SPATS2: variants seen among roughly 807,000 people sequenced by gnomAD.
SPATS2 encodes spermatogenesis associated serine rich 2.
A neutral mutation model predicts 63.7 loss-of-function variants in SPATS2; 38 were observed. The observed-to-expected ratio is 0.60, with a 90% CI of 0.46 to 0.78. SPATS2 has a LOEUF of 0.78. Among genes scored for constraint, SPATS2 ranks in the 30% least tolerant of loss-of-function variants. The pLI is 0.00. For synonymous variants in SPATS2, 207 were observed against 232.9 expected, an observed-to-expected ratio of 0.89 and a Z score of 1.01; for missense variants, 588 against 666.2, an observed-to-expected ratio of 0.88 and a Z score of 1.29.
intron 10 of SPATS2, 99 bp downstream of exon 10, chr12:49,514,712 A>T: frequency 9.9e-7 from 1 of 1,011,194 alleles, no homozygotes; most frequent in South Asian, 1.5e-5. Flanking sequence ...ATACCATAAT[A>T]AGAGTTTATA....
At chr12:49,511,835 T>G (rs1274771150) in intron 9 of SPATS2, among the ~76,000 whole-genome samples, 1 of 152,228 alleles carries the variant, frequency 6.6e-6, no homozygotes, top group Non-Finnish European at 1.5e-5. Flanking sequence ...ACTTTGAACT[T>G]GTCCCACCTT....
intron 2 of SPATS2, among the ~76,000 whole-genome samples, chr12:49,435,647 T>TC (rs1357842573): frequency 2.0e-5 from 2 of 99,284 alleles, no homozygotes; most frequent in Non-Finnish European, 3.9e-5. Flanking sequence ...TCTTTTTTTT[T>TC]TTTTTTTTTT....
chr12:49,511,254 A>G (rs1946749339), intron 9 of SPATS2, among the ~76,000 whole-genome samples: 1 of 152,172 alleles, frequency 6.6e-6, no homozygotes, highest in African/African-American at 2.4e-5. Context: ...ATGGTAAGGA[A>G]GTCCTGAAAA....
intron 3 of SPATS2, among the ~76,000 whole-genome samples, chr12:49,467,047 T>TG: frequency 1.1e-5 from 1 of 92,272 alleles, no homozygotes; most frequent in Admixed American, 9.3e-5. Context: ...GTTCTTTGTT[T>TG]TTTTTTTTTT....
At chr12:49,449,207 TTTTGTTTG>T (rs996996620) in intron 2 of SPATS2, among the ~76,000 whole-genome samples, 1 of 152,134 alleles carries the variant, frequency 6.6e-6, no homozygotes, top group Non-Finnish European at 1.5e-5. Flanking sequence ...TGTCTGTTTT[TTTTGTTTG>T]TTTGTTTGTT....
chr12:49,505,550 A>C (rs1176577316), intron 9 of SPATS2, among the ~76,000 whole-genome samples: 2 of 152,174 alleles, frequency 1.3e-5, no homozygotes, highest in Non-Finnish European at 2.9e-5. Flanking sequence ...TGCTCCAATG[A>C]GTATTTTCTT....
intron 10 of SPATS2, among the ~76,000 whole-genome samples, chr12:49,517,591 C>A (rs185238321): frequency 2.6e-5 from 4 of 152,208 alleles, no homozygotes; most frequent in Admixed American, 2.6e-4. Flanking sequence ...GGACATTTCC[C>A]AGATGACATT....
At chr12:49,456,042 C>T (rs1231452389) in intron 2 of SPATS2, among the ~76,000 whole-genome samples, 1 of 152,208 alleles carries the variant, frequency 6.6e-6, no homozygotes, top group African/African-American at 2.4e-5. Flanking sequence ...TTGTTTGCCA[C>T]CAAGAAAGCG....
rs1945731914 is a variant in SPATS2, at chr12:49,457,065, CTTCT to C, written c.-243-3704_-243-3701del. ...TAACTTTGCAATCTGATTTACTTTC[CTTCT>C]ATTTTTATCATTTATTTTATAGCTT... is the stretch of plus-strand genomic sequence containing the variant. On this transcript the variant is annotated intron_variant, in intron 2 of 13. Coordinates refer to ENST00000552918, the MANE Select transcript of SPATS2 (RefSeq NM_023071.4). Among the ~76,000 whole-genome samples the C allele has an allele frequency of 2.0e-5, 3 of 151,456 alleles. No homozygotes were observed. The South Asian group carries it at 6.2e-4, about 32-fold the overall frequency.
At chr12:49,461,258 A>G in intron 3 of SPATS2, 1 of 532,840 alleles carries the variant, frequency 1.9e-6, no homozygotes. Context: ...ATGCTTAACA[A>G]TCTTGAAGAT....
rs940241325 is a variant in SPATS2, at chr12:49,442,061, C to CT, written c.-243-18708dup. ...ATGTTCAAGAATTGAATGCACAACTCTGACTCCACATTGCCATTGAGTATT... is the reference window on the plus strand; with the variant it reads ...ATGTTCAAGAATTGAATGCACAACTCTTGACTCCACATTGCCATTGAGTATT... On this transcript the variant is annotated intron_variant, in intron 2 of 13. Transcript: ENST00000552918. Among the ~76,000 whole-genome samples, 13 of 152,180 alleles carry CT rather than the reference C, an allele frequency of 8.5e-5. No individual in the cohort carries two copies. In the East Asian group the frequency reaches 1.4e-3, roughly 16 times the overall value.
rs12312836 is a variant in SPATS2 at position 49,381,703 on chromosome 12, A to G, written c.-244+10413A>G. Reference sequence around the variant, plus strand: ...TTTGAAACCTGGGTCAGAGAAGCCTACTTTTTATATTTAATAGTATGTGAT... The same window carrying G: ...TTTGAAACCTGGGTCAGAGAAGCCTGCTTTTTATATTTAATAGTATGTGAT... On this transcript the variant is annotated intron_variant, in intron 2 of 13. Coordinates refer to ENST00000552918, the MANE Select transcript of SPATS2 (RefSeq NM_023071.4). Among the ~76,000 whole-genome samples the G allele has an allele frequency of 1.2e-3, 187 of 152,290 alleles. 1 individual carries two copies. Among genetic ancestry groups the G allele is most frequent in the African/African-American group, 4.0e-3 (168 of 41,540 alleles).
Position 49,489,571 on chromosome 12 carries a change from A to T in SPATS2, c.212A>T (p.Glu71Val). The change falls in exon 5 of 14, where the codon GAA becomes GTA. Residue 71 changes from glutamate to valine, a missense_variant and splice_region_variant. By Grantham distance (121) the Glu-to-Val change is moderately radical. Transcript: ENST00000552918. The stretch of plus-strand genomic sequence containing the variant: ...GACAAAACAGTACAAGCATTCATGG[A>T]AGGTAATCCTGACTTAATTTTAAAA... ...CVDKTVQAFM[E>V]GSASEVLKEW... The T allele has an allele frequency of 5.0e-6, 8 of 1,605,280 alleles. No homozygotes were observed. Among genetic ancestry groups the T allele is most frequent in the Non-Finnish European group, 6.8e-6 (8 of 1,176,434 alleles).
intron 9 of SPATS2, among the ~76,000 whole-genome samples, chr12:49,500,986 C>T (rs1441254839): frequency 1.3e-5 from 2 of 151,976 alleles, no homozygotes; most frequent in Non-Finnish European, 2.9e-5. Context: ...CTTACTCTGT[C>T]TGTCACCCAG....
intron 2 of SPATS2, among the ~76,000 whole-genome samples, chr12:49,397,577 C>T (rs1480287941): frequency 2.0e-5 from 3 of 152,012 alleles, no homozygotes; most frequent in Non-Finnish European, 4.4e-5. Flanking sequence ...CCTGTAATCC[C>T]ACAGCTTTGG....
At chr12:49,464,817 A>T (rs183874527) in intron 3 of SPATS2, among the ~76,000 whole-genome samples, 1 of 152,070 alleles carries the variant, frequency 6.6e-6, no homozygotes, top group East Asian at 1.9e-4. Context: ...GAGCGGGACC[A>T]TGTCTCTTAA....
intron 2 of SPATS2, among the ~76,000 whole-genome samples, chr12:49,428,523 T>A (rs890867920): frequency 1.3e-5 from 2 of 152,182 alleles, no homozygotes; most frequent in African/African-American, 4.8e-5. Flanking sequence ...TGGAATGATA[T>A]AGTATTTGTT....
chr12:49,409,101 A>G, intron 2 of SPATS2, among the ~76,000 whole-genome samples: 1 of 152,164 alleles, frequency 6.6e-6, no homozygotes. Context: ...CTGATATTCC[A>G]GGTACTTCTA....
At chr12:49,424,182 A>C (rs1945032340) in intron 2 of SPATS2, among the ~76,000 whole-genome samples, 1 of 152,110 alleles carries the variant, frequency 6.6e-6, no homozygotes, top group African/African-American at 2.4e-5. Flanking sequence ...CAGCCTGGGC[A>C]ACAGAACGGG....
Sources: allele counts gnomAD v4.1 joint callset (sites outside exome capture counted in the v4.1 genomes callset), GRCh38; gene constraint gnomAD v4.1.1; transcripts MANE v1.5; gene names NCBI Gene and HGNC (gene_info 2026-07-23, HGNC 2026-07-21).